SPIDR: variants seen among roughly 807,000 people sequenced by gnomAD.
SPIDR encodes the protein DNA repair-scaffolding protein.
SPIDR carries 93 observed loss-of-function variants against 104.6 expected under a neutral mutation model. The observed-to-expected ratio is 0.89, with a 90% CI of 0.75 to 1.06. The LOEUF (loss-of-function observed/expected upper bound fraction) is 1.06. SPIDR is among the 50% of genes least tolerant of loss of function. The pLI, the probability that SPIDR is intolerant of heterozygous loss-of-function variation, is 0.00. For missense variants in SPIDR, 1,154 were observed against 1,111.2 expected, an observed-to-expected ratio of 1.04 and a Z score of -0.55; for synonymous variants, 431 against 416.9, an observed-to-expected ratio of 1.03 and a Z score of -0.41.
intron 5 of SPIDR, among the ~76,000 whole-genome samples, chr8:47,299,745 G>C (rs1653807265): frequency 2.0e-5 from 3 of 152,146 alleles, no homozygotes; most frequent in Non-Finnish European, 4.4e-5. Context: ...TTATATGATG[G>C]ATTACATTTA....
intron 5 of SPIDR, among the ~76,000 whole-genome samples, chr8:47,321,064 A>G (rs187844925): frequency 4.6e-5 from 7 of 152,192 alleles, no homozygotes; most frequent in African/African-American, 7.2e-5. Context: ...CACCGCTCCT[A>G]TTCAACATGG....
intron 11 of SPIDR, among the ~76,000 whole-genome samples, chr8:47,690,192 G>A (rs2078438185): frequency 6.6e-6 from 1 of 152,104 alleles, no homozygotes; most frequent in African/African-American, 2.4e-5. Context: ...CACCAGGACA[G>A]AAGAGAGAAC....
At chr8:47,363,001 C>G (rs1405008734) in intron 5 of SPIDR, among the ~76,000 whole-genome samples, 2 of 151,714 alleles carry the variant, frequency 1.3e-5, no homozygotes, top group East Asian at 2.0e-4. Context: ...CATACCTGTT[C>G]TCACCAAATC....
intron 14 of SPIDR, among the ~76,000 whole-genome samples, chr8:47,708,580 T>G (rs1331805506): frequency 1.3e-5 from 2 of 152,130 alleles, no homozygotes; most frequent in East Asian, 3.9e-4. Context: ...TGGTGTAATT[T>G]TATGGGTTTG....
chr8:47,307,693 C>G (rs1289758918), intron 5 of SPIDR, among the ~76,000 whole-genome samples: 2 of 151,892 alleles, frequency 1.3e-5, no homozygotes, highest in East Asian at 3.9e-4. Flanking sequence ...CGTGTGCCAC[C>G]ATGCCCGGCT....
chr8:47,295,983 G>C (rs1375278178), intron 5 of SPIDR, among the ~76,000 whole-genome samples: 1 of 152,134 alleles, frequency 6.6e-6, no homozygotes, highest in African/African-American at 2.4e-5. Flanking sequence ...CTTTCTAACA[G>C]GTGTGAGGTG....
At chr8:47,526,451 C>A (rs16927336) in intron 8 of SPIDR, among the ~76,000 whole-genome samples, 1 of 152,186 alleles carries the variant, frequency 6.6e-6, no homozygotes, top group Non-Finnish European at 1.5e-5. Flanking sequence ...ATCTAGTCTT[C>A]ATTGGCTAAG....
chr8:47,721,288 G>A (rs889327278), intron 16 of SPIDR, among the ~76,000 whole-genome samples: 2 of 152,112 alleles, frequency 1.3e-5, no homozygotes, highest in African/African-American at 4.8e-5. Context: ...TAAGATCTAT[G>A]TCTAGATTCA....
chr8:47,463,173 A>G (rs2154353952), intron 8 of SPIDR, among the ~76,000 whole-genome samples: 1 of 152,146 alleles, frequency 6.6e-6, no homozygotes. Flanking sequence ...CCTGGCTAAC[A>G]TGGTGAAACC....
At chr8:47,276,460 T>C (rs1168805738) in intron 1 of SPIDR, among the ~76,000 whole-genome samples, 3 of 152,236 alleles carry the variant, frequency 2.0e-5, no homozygotes, top group Non-Finnish European at 4.4e-5. Context: ...AACCAGTTTA[T>C]TGAATTTCAT....
intron 8 of SPIDR, among the ~76,000 whole-genome samples, chr8:47,443,998 T>C (rs949752176): frequency 6.6e-6 from 1 of 152,128 alleles, no homozygotes; most frequent in Non-Finnish European, 1.5e-5. Flanking sequence ...CATTATGAAA[T>C]AGTCATAGAA....
At chr8:47,373,886 T>C (rs969444803) in intron 5 of SPIDR, among the ~76,000 whole-genome samples, 1 of 152,254 alleles carries the variant, frequency 6.6e-6, no homozygotes, top group African/African-American at 2.4e-5. Flanking sequence ...AAATAAGTTG[T>C]GGTAAGTACT....
chr8:47,456,894 AAT>A (rs782283250), intron 8 of SPIDR, among the ~76,000 whole-genome samples: 1 of 152,152 alleles, frequency 6.6e-6, no homozygotes, highest in Non-Finnish European at 1.5e-5. Flanking sequence ...TTAGAATAAA[AAT>A]CTCCAATCCC....
At chr8:47,292,676 C>A (rs933097869) in intron 4 of SPIDR, among the ~76,000 whole-genome samples, 4 of 152,086 alleles carry the variant, frequency 2.6e-5, no homozygotes, top group Admixed American at 2.0e-4. Flanking sequence ...AGCAGTCTTC[C>A]TGCTTTTTAA....
chr8:47,634,397 G>C (rs893215359), intron 10 of SPIDR, among the ~76,000 whole-genome samples: 4 of 152,018 alleles, frequency 2.6e-5, no homozygotes, highest in Admixed American at 2.6e-4. Flanking sequence ...GTTGTGGTGA[G>C]CCGAGATCAT....
intron 10 of SPIDR, among the ~76,000 whole-genome samples, chr8:47,616,871 G>T (rs1234932869): frequency 1.3e-5 from 2 of 152,128 alleles, no homozygotes; most frequent in African/African-American, 4.8e-5. Flanking sequence ...TTTCCCTGAT[G>T]TCCATTTTCT....
At chr8:47,467,142 CA>C (rs1312223046) in intron 8 of SPIDR, among the ~76,000 whole-genome samples, 1 of 151,964 alleles carries the variant, frequency 6.6e-6, no homozygotes, top group Non-Finnish European at 1.5e-5. Flanking sequence ...TGGATGCATG[CA>C]CCCTCCCAGG....
chr8:47,569,281 G>A (rs2058249449), intron 8 of SPIDR, among the ~76,000 whole-genome samples: 1 of 152,168 alleles, frequency 6.6e-6, no homozygotes, highest in Non-Finnish European at 1.5e-5. Flanking sequence ...AAAATTGACA[G>A]AGTCAAAGGG....
intron 1 of SPIDR, among the ~76,000 whole-genome samples, chr8:47,270,082 CT>C (rs2034979567): frequency 1.3e-5 from 2 of 152,062 alleles, no homozygotes; most frequent in African/African-American, 2.4e-5. Context: ...ATTTTTGCAT[CT>C]ATATTCATAA....
Sources: allele counts gnomAD v4.1 joint callset (sites outside exome capture counted in the v4.1 genomes callset), GRCh38; gene constraint gnomAD v4.1.1; transcripts MANE v1.5; gene names NCBI Gene and HGNC (gene_info 2026-07-23, HGNC 2026-07-21).